The following MCC variants were observed in gnomAD, a reference collection of about 807,000 sequenced individuals.
The protein encoded by MCC is MCC regulator of Wnt signaling pathway.
Under a neutral mutation model 116.2 loss-of-function variants are expected in MCC, and 90 were observed. The observed-to-expected ratio is 0.77, with a 90% CI of 0.65 to 0.92. The LOEUF is 0.92. Among genes scored for constraint, MCC ranks in the 40% least tolerant of loss-of-function variants. The pLI, the probability that MCC is intolerant of heterozygous loss-of-function variation, is 0.00. For missense variants in MCC, 1,516 were observed against 1,312.2 expected (o/e 1.16, Z -2.40); for synonymous variants, 578 against 510.5 (o/e 1.13, Z -1.78).
chr5:113,359,747 G>A (rs1382032256), intron 2 of MCC, among the ~76,000 whole-genome samples: 5 of 152,228 alleles, frequency 3.3e-5, no homozygotes, highest in Non-Finnish European at 5.9e-5. Context: ...TTTGGGGAAG[G>A]AGCATTAAAA....
chr5:113,196,963 A>G (rs1212535686), intron 3 of MCC, among the ~76,000 whole-genome samples: 1 of 152,206 alleles, frequency 6.6e-6, no homozygotes, highest in Non-Finnish European at 1.5e-5. Context: ...GTGCCATCCT[A>G]CATGTAACAT....
intron 3 of MCC, among the ~76,000 whole-genome samples, chr5:113,195,891 T>C (rs1476785103): frequency 6.6e-6 from 1 of 152,194 alleles, no homozygotes; most frequent in African/African-American, 2.4e-5. Context: ...CTCTTCTACA[T>C]GTGGGTCATG....
At chr5:113,046,697 A>AG (rs1377641215) in intron 16 of MCC, among the ~76,000 whole-genome samples, 1 of 141,446 alleles carries the variant, frequency 7.1e-6, no homozygotes, top group African/African-American at 2.6e-5. Context: ...AAAAAAAAAA[A>AG]AAAAAAAAAA....
At chr5:113,458,483 T>C (rs1439030448) in intron 1 of MCC, among the ~76,000 whole-genome samples, 1 of 152,078 alleles carries the variant, frequency 6.6e-6, no homozygotes, top group East Asian at 1.9e-4. Context: ...GCTGTAACAC[T>C]CACCGCGAGG....
rs1335717905 is a variant in MCC, at chr5:113,155,908, T to C, written c.628-4486A>G. Reference sequence around the variant, plus strand: ...GTGTAGTTTGCGCTAGGTATAGCCATGTGACAAAGTTCTGGCCAGTGCGAT... The same window carrying C: ...GTGTAGTTTGCGCTAGGTATAGCCACGTGACAAAGTTCTGGCCAGTGCGAT... On this transcript the variant is annotated intron_variant, in intron 3 of 18. Coordinates refer to ENST00000408903, the MANE Select transcript of MCC (RefSeq NM_001085377.2). 2.0e-5 allele frequency among the ~76,000 whole-genome samples: 3 copies of C among 152,222 alleles called. No homozygotes were observed. In the South Asian group the frequency reaches 6.2e-4, roughly 31 times the overall value.
chr5:113,457,487 C>T (rs528682823), intron 1 of MCC, among the ~76,000 whole-genome samples: 36 of 152,340 alleles, frequency 2.4e-4, no homozygotes, highest in African/African-American at 7.9e-4. Flanking sequence ...CCCTGCTCCA[C>T]GGCACCCAGT....
intron 1 of MCC, among the ~76,000 whole-genome samples, chr5:113,480,351 G>A (rs1772346994): frequency 6.6e-6 from 1 of 152,204 alleles, no homozygotes; most frequent in African/African-American, 2.4e-5. Context: ...CAATGAAGGT[G>A]TTTATTCTAG....
intron 1 of MCC, among the ~76,000 whole-genome samples, chr5:113,458,388 C>G (rs534114232): frequency 6.6e-6 from 1 of 151,436 alleles, no homozygotes. Flanking sequence ...CCTGAGCCAG[C>G]GGGACCACGA....
intron 3 of MCC, among the ~76,000 whole-genome samples, chr5:113,195,862 T>G (rs1162271666): frequency 6.6e-6 from 1 of 152,162 alleles, no homozygotes; most frequent in Non-Finnish European, 1.5e-5. Context: ...TGGCGCCTCC[T>G]CTCTCTCAGC....
chr5:113,031,216 A>AG (rs750680560), intron 17 of MCC, among the ~76,000 whole-genome samples: 24 of 152,192 alleles, frequency 1.6e-4, no homozygotes, highest in Non-Finnish European at 3.1e-4. Flanking sequence ...ACCAGCCCTC[A>AG]GCCCAGAACT....
At chr5:113,165,524 T>G (rs1043349303) in intron 3 of MCC, among the ~76,000 whole-genome samples, 3 of 152,136 alleles carry the variant, frequency 2.0e-5, no homozygotes, top group African/African-American at 7.2e-5. Context: ...ATGGGATAGC[T>G]AAGGACAATG....
At chr5:113,195,293 A>C (rs530713729) in intron 3 of MCC, among the ~76,000 whole-genome samples, 1 of 152,290 alleles carries the variant, frequency 6.6e-6, no homozygotes, top group South Asian at 2.1e-4. Flanking sequence ...GGAATGTAGA[A>C]CCTCTACCAG....
At chr5:113,424,769 CA>C (rs1390803657) in intron 1 of MCC, among the ~76,000 whole-genome samples, 3 of 150,516 alleles carry the variant, frequency 2.0e-5, no homozygotes, top group Admixed American at 2.0e-4. Context: ...ATAACATTAA[CA>C]AAAAACTCTT....
intron 17 of MCC, among the ~76,000 whole-genome samples, chr5:113,035,667 T>C (rs1751280903): frequency 6.6e-6 from 1 of 152,118 alleles, no homozygotes; most frequent in South Asian, 2.1e-4. Flanking sequence ...TGATTCTGCC[T>C]CTCTCCTCCT....
intron 3 of MCC, among the ~76,000 whole-genome samples, chr5:113,339,438 T>TGCGCGCGC (rs1554077387): frequency 2.0e-5 from 3 of 149,670 alleles, no homozygotes; most frequent in African/African-American, 7.5e-5. Flanking sequence ...TGTGTGTGTG[T>TGCGCGCGC]GCGTGCATGT....
intron 1 of MCC, among the ~76,000 whole-genome samples, chr5:113,471,584 G>A (rs998183594): frequency 6.6e-6 from 1 of 152,034 alleles, no homozygotes; most frequent in African/African-American, 2.4e-5. Flanking sequence ...CGCCTACTGG[G>A]GGGTGCCTCC....
chr5:113,279,990 T>C (rs1765977629), intron 3 of MCC, among the ~76,000 whole-genome samples: 1 of 152,224 alleles, frequency 6.6e-6, no homozygotes, highest in South Asian at 2.1e-4. Flanking sequence ...CATTTATCAT[T>C]TCTTAACACA....
chr5:113,063,101 C>A (rs538639798), intron 14 of MCC, among the ~76,000 whole-genome samples: 1 of 152,320 alleles, frequency 6.6e-6, no homozygotes, highest in Admixed American at 6.5e-5. Context: ...TATCTCTGAG[C>A]CAAGGTTTCC....
chr5:113,156,285 T>A (rs937022308), intron 3 of MCC, among the ~76,000 whole-genome samples: 2 of 152,258 alleles, frequency 1.3e-5, no homozygotes, highest in African/African-American at 4.8e-5. Flanking sequence ...ATCTTATCTA[T>A]GCCACTTGTT....
Sources: allele counts gnomAD v4.1 joint callset (sites outside exome capture counted in the v4.1 genomes callset), GRCh38; gene constraint gnomAD v4.1.1; transcripts MANE v1.5; gene names NCBI Gene and HGNC (gene_info 2026-07-23, HGNC 2026-07-21).